CRPPA: variants seen among roughly 807,000 people sequenced by gnomAD.
CRPPA encodes the protein D-ribitol-5-phosphate cytidylyltransferase.
CRPPA carries 43 observed loss-of-function variants against 52.0 expected under a neutral mutation model. The observed-to-expected ratio is 0.83, with a 90% CI of 0.65 to 1.07. The LOEUF is 1.07. Among genes scored for constraint, CRPPA ranks in the 50% least tolerant of loss-of-function variants. CRPPA has a pLI of 0.00. For synonymous variants in CRPPA, 250 were observed against 203.5 expected, an observed-to-expected ratio of 1.23 and a Z score of -1.94; for missense variants, 629 against 551.7, an observed-to-expected ratio of 1.14 and a Z score of -1.40.
At chr7:16,372,377 G>A (rs1786771530) in intron 3 of CRPPA, among the ~76,000 whole-genome samples, 1 of 152,212 alleles carries the variant, frequency 6.6e-6, no homozygotes, top group South Asian at 2.1e-4. Flanking sequence ...ATGCCAGAGG[G>A]ATTGGGGTCC....
intron 6 of CRPPA, among the ~76,000 whole-genome samples, chr7:16,271,275 T>G (rs577444326): frequency 2.0e-4 from 31 of 152,080 alleles, no homozygotes; most frequent in South Asian, 6.2e-4. Flanking sequence ...TTATATGCAT[T>G]TAGAGGTAAT....
At chr7:16,165,872 C>A (rs941573944) in intron 9 of CRPPA, among the ~76,000 whole-genome samples, 2 of 152,218 alleles carry the variant, frequency 1.3e-5, no homozygotes, top group Non-Finnish European at 2.9e-5. Flanking sequence ...CACTTCATAA[C>A]CCTTTTCAAC....
intron 9 of CRPPA, among the ~76,000 whole-genome samples, chr7:16,194,858 T>TC (rs1392542451): frequency 6.6e-6 from 1 of 151,476 alleles, no homozygotes; most frequent in Non-Finnish European, 1.5e-5. Flanking sequence ...GTTTTTTTTT[T>TC]TCTCTTAACA....
At chr7:16,376,312 T>C in intron 2 of CRPPA, 71 bp from the exon 3 acceptor site, 1 of 1,468,164 alleles carries the variant, frequency 6.8e-7, no homozygotes, top group Non-Finnish European at 9.2e-7. Context: ...GAATTCAGTA[T>C]CTCACTTTTG....
chr7:16,089,378 A>ATC lies in CRPPA; in HGVS notation c.*2316_*2317insGA. 12 of 390,024 alleles carry ATC rather than the reference A, an allele frequency of 3.1e-5. 1 individual carries two copies. The highest frequency in any genetic ancestry group is 2.1e-4 in the South Asian group (12 of 58,252). 24.2% of individuals were successfully genotyped at this position (390,024 alleles called of 1,614,324 possible). A position where few individuals can be genotyped will look rare whatever the true frequency, so the allele number is the denominator to read the frequency against. The stretch of plus-strand genomic sequence containing the variant: ...TACATACATACATGCATGTACATAT[A>ATC]TACGTATATATGTATGTACATAATG... On this transcript the variant is annotated 3_prime_UTR_variant, in exon 10 of 10. Transcript: ENST00000407010.
intron 9 of CRPPA, among the ~76,000 whole-genome samples, chr7:16,148,508 A>G (rs745614399): frequency 2.6e-5 from 4 of 152,202 alleles, no homozygotes; most frequent in Non-Finnish European, 4.4e-5. Flanking sequence ...CCTCGAGGAC[A>G]TTATGTTAAG....
intron 5 of CRPPA, among the ~76,000 whole-genome samples, chr7:16,286,195 G>A (rs1357194687): frequency 6.8e-6 from 1 of 146,748 alleles, no homozygotes; most frequent in Non-Finnish European, 1.5e-5. Flanking sequence ...TGGACCACAG[G>A]GTGCCCAGAT....
intron 3 of CRPPA, among the ~76,000 whole-genome samples, chr7:16,320,960 A>G (rs1001831079): frequency 1.3e-5 from 2 of 152,148 alleles, no homozygotes; most frequent in Non-Finnish European, 2.9e-5. Context: ...CTGGCTAAGG[A>G]TAAGATTTCT....
In CRPPA at chr7:16,358,471, T is replaced by C. The variant is rs115989024; in HGVS notation, c.684+17621A>G. Among the ~76,000 whole-genome samples the C allele has an allele frequency of 4.4e-3, 667 of 152,310 alleles. 2 individuals carry two copies. The highest frequency in any genetic ancestry group is 0.015 in the African/African-American group (640 of 41,570). ...TTCTGATTTTTGCCTATTTTTACTC[T>C]TCACTGCCTTTATACAAATAGGTCA... On this transcript the variant is annotated intron_variant, in intron 3 of 9. Transcript: ENST00000407010.
At chr7:16,114,345 A>C (rs1448410278) in intron 9 of CRPPA, among the ~76,000 whole-genome samples, 1 of 151,848 alleles carries the variant, frequency 6.6e-6, no homozygotes, top group Non-Finnish European at 1.5e-5. Context: ...ACAAAAAAAA[A>C]TCCCCAAACT....
chr7:16,176,364 C>G (rs997824553), intron 9 of CRPPA, among the ~76,000 whole-genome samples: 4 of 152,044 alleles, frequency 2.6e-5, no homozygotes, highest in Non-Finnish European at 5.9e-5. Flanking sequence ...ACTCTGACAC[C>G]AACCAAAGCG....
At chr7:16,264,655 C>T (rs377685564) in intron 6 of CRPPA, among the ~76,000 whole-genome samples, 1 of 152,198 alleles carries the variant, frequency 6.6e-6, no homozygotes, top group Non-Finnish European at 1.5e-5. Context: ...GCTGGGTCAT[C>T]TCTGAGTCTG....
Position 16,297,160 on chromosome 7 carries a change from A to G in CRPPA, c.835+4261T>C, listed in dbSNP as rs554703668. On this transcript the variant is annotated intron_variant, in intron 5 of 9. Coordinates refer to ENST00000407010, the MANE Select transcript of CRPPA (RefSeq NM_001101426.4). ...AGCTTAAATAATGGATCTTGCTCTT[A>G]CCAACCGTGTGACCCAGAGGAAAGT... 8.5e-5 allele frequency among the ~76,000 whole-genome samples: 13 copies of G among 152,312 alleles called. No individual in the cohort carries two copies. In the South Asian group the frequency reaches 2.7e-3, roughly 32 times the overall value.
intron 3 of CRPPA, among the ~76,000 whole-genome samples, chr7:16,366,267 G>A (rs1421785907): frequency 1.3e-5 from 2 of 152,106 alleles, no homozygotes; most frequent in Non-Finnish European, 2.9e-5. Flanking sequence ...TGGTGGTTAG[G>A]TTTCAACAGG....
chr7:16,143,558 C>T (rs1782914328), intron 9 of CRPPA, among the ~76,000 whole-genome samples: 1 of 152,138 alleles, frequency 6.6e-6, no homozygotes, highest in African/African-American at 2.4e-5. Context: ...ATGCTGGATA[C>T]CTAATTCTGA....
At chr7:16,110,485 C>T (rs368231121) in intron 9 of CRPPA, among the ~76,000 whole-genome samples, 1 of 151,958 alleles carries the variant, frequency 6.6e-6, no homozygotes, top group East Asian at 1.9e-4. Context: ...GCGAAAAGAG[C>T]CAAGCTGAAG....
At chr7:16,311,463 C>T (rs1161918372) in intron 3 of CRPPA, among the ~76,000 whole-genome samples, 1 of 152,112 alleles carries the variant, frequency 6.6e-6, no homozygotes, top group Non-Finnish European at 1.5e-5. Flanking sequence ...TATTCTCTCA[C>T]ACCAAAATAT....
intron 2 of CRPPA, among the ~76,000 whole-genome samples, chr7:16,394,457 A>T (rs1284746379): frequency 6.6e-6 from 1 of 152,198 alleles, no homozygotes; most frequent in Admixed American, 6.5e-5. Flanking sequence ...TGAGACAACA[A>T]GAAAAACAAA....
intron 9 of CRPPA, among the ~76,000 whole-genome samples, chr7:16,099,088 A>T (rs1222464569): frequency 6.6e-6 from 1 of 152,006 alleles, no homozygotes; most frequent in Non-Finnish European, 1.5e-5. Flanking sequence ...AGAGATAATT[A>T]AGAAAAAAGG....
Sources: gnomAD v4.1 joint callset for allele counts (sites outside exome capture counted in the v4.1 genomes callset) on GRCh38, gnomAD v4.1.1 for gene constraint, MANE v1.5 for transcripts, NCBI Gene and HGNC (gene_info 2026-07-23, HGNC 2026-07-21) for gene names.